XKR6: variants seen among roughly 807,000 people sequenced by gnomAD.
XKR6 encodes XK related 6, also known as XK-related protein 6.
XKR6 carries 22 observed loss-of-function variants against 56.7 expected under a neutral mutation model. That is an observed-to-expected ratio of 0.39 (90% CI 0.28 to 0.55). The LOEUF (loss-of-function observed/expected upper bound fraction) is 0.55. Ranked by LOEUF, XKR6 falls within the 20% of genes least tolerant of loss-of-function variation. XKR6 has a pLI of 0.66. For missense variants in XKR6, 852 were observed against 889.0 expected, an observed-to-expected ratio of 0.96 and a Z score of 0.53; for synonymous variants, 524 against 387.8, an observed-to-expected ratio of 1.35 and a Z score of -4.13.
intron 1 of XKR6, among the ~76,000 whole-genome samples, chr8:11,072,049 G>C (rs1031238227): frequency 6.6e-6 from 1 of 152,242 alleles, no homozygotes; most frequent in African/African-American, 2.4e-5. Flanking sequence ...CCAGTGTGTG[G>C]GTTGACTGTT....
chr8:11,091,109 A>G (rs566324582), intron 1 of XKR6, among the ~76,000 whole-genome samples: 24 of 152,222 alleles, frequency 1.6e-4, no homozygotes, highest in African/African-American at 5.5e-4. Flanking sequence ...GCATGAAAGG[A>G]ACCAAGCAAG....
At chr8:10,987,996 G>A (rs1797901939) in intron 1 of XKR6, among the ~76,000 whole-genome samples, 1 of 152,144 alleles carries the variant, frequency 6.6e-6, no homozygotes, top group Non-Finnish European at 1.5e-5. Flanking sequence ...ACTTTGGACA[G>A]GCCCAGGGCT....
At chr8:10,983,822 AT>A (rs1305911796) in intron 1 of XKR6, among the ~76,000 whole-genome samples, 11 of 151,878 alleles carry the variant, frequency 7.2e-5, no homozygotes, top group Non-Finnish European at 1.5e-5. Flanking sequence ...TGCCCGGCTA[AT>A]TTTTTGTATT....
chr8:10,900,743 T>C, intron 2 of XKR6, among the ~76,000 whole-genome samples: 1 of 152,138 alleles, frequency 6.6e-6, no homozygotes, highest in Non-Finnish European at 1.5e-5. Context: ...ACATGGTTGG[T>C]CAGGGAACCT....
chr8:11,190,165 G>GAAAGAAAGA (rs749465092), intron 1 of XKR6, among the ~76,000 whole-genome samples: 9 of 85,452 alleles, frequency 1.1e-4, no homozygotes, highest in Non-Finnish European at 1.5e-4. Flanking sequence ...CAAAAAAAAA[G>GAAAGAAAGA]AAAGAAAGAA....
Position 11,201,226 on chromosome 8 carries a change from G to A in XKR6, c.114C>T (p.Gly38=), listed in dbSNP as rs763348018. The change falls in exon 1 of 3, where the codon GGC becomes GGT. Residue 38 remains glycine (G), a synonymous_variant. Coordinates refer to ENST00000416569, the MANE Select transcript of XKR6 (RefSeq NM_173683.4). ...CGCTGCCGTCGCCGCCGCCGCCGCA[G>A]CCGCCTCCCCCGGGCTCCCCGTCCT... is the stretch of plus-strand genomic sequence containing the variant. ...GEEDGEPGGG[G]CGGGGDGSEP... is the part of the protein sequence containing the mutation. 1 of 1,544,674 alleles carries A rather than the reference G, an allele frequency of 6.5e-7. No homozygotes were observed. The highest frequency in any genetic ancestry group is 1.4e-5 in the African/African-American group (1 of 72,744).
intron 1 of XKR6, among the ~76,000 whole-genome samples, chr8:10,972,363 GA>G (rs1159325400): frequency 3.3e-5 from 5 of 152,212 alleles, no homozygotes; most frequent in African/African-American, 1.2e-4. Flanking sequence ...ATTCAAAATG[GA>G]AAGGACAGAT....
At chr8:10,951,296 T>G (rs879697114) in intron 1 of XKR6, among the ~76,000 whole-genome samples, 85 of 89,900 alleles carry the variant, frequency 9.5e-4, no homozygotes, top group African/African-American at 1.3e-3. Flanking sequence ...TGTGTGTGTG[T>G]GTGGGGGGGG....
intron 1 of XKR6, among the ~76,000 whole-genome samples, chr8:11,012,479 G>C (rs1798522817): frequency 1.3e-5 from 2 of 152,208 alleles, no homozygotes; most frequent in African/African-American, 4.8e-5. Context: ...TGTGAGTGTA[G>C]TTGTTACGGC....
chr8:10,940,135 A>G (rs1801344230), intron 1 of XKR6, among the ~76,000 whole-genome samples: 1 of 152,214 alleles, frequency 6.6e-6, no homozygotes, highest in Admixed American at 6.5e-5. Flanking sequence ...AGCGCCTGGC[A>G]CATGGTGTGC....
chr8:11,157,168 G>A (rs528402239), intron 1 of XKR6, among the ~76,000 whole-genome samples: 2 of 152,256 alleles, frequency 1.3e-5, no homozygotes, highest in South Asian at 2.1e-4. Flanking sequence ...AAACTGTCAG[G>A]GTGATGAAAA....
At chr8:11,179,197 G>C (rs969953448) in intron 1 of XKR6, among the ~76,000 whole-genome samples, 10 of 151,850 alleles carry the variant, frequency 6.6e-5, no homozygotes, top group African/African-American at 2.4e-4. Flanking sequence ...GGTTCTGTGA[G>C]CACCAAACGA....
intron 1 of XKR6, among the ~76,000 whole-genome samples, chr8:11,086,490 A>G (rs888400549): frequency 6.6e-6 from 1 of 152,206 alleles, no homozygotes; most frequent in Non-Finnish European, 1.5e-5. Context: ...CATCACAGCC[A>G]TGGAAAGTCA....
chr8:11,085,766 C>T (rs2409691), intron 1 of XKR6, among the ~76,000 whole-genome samples: 76,953 of 151,978 alleles, frequency 0.51, 21,630 homozygotes, highest in African/African-American at 0.72. Context: ...GGGACAGCAA[C>T]GGTCTGGTTC....
chr8:10,968,784 A>G (rs552934256), intron 1 of XKR6, among the ~76,000 whole-genome samples: 1 of 152,336 alleles, frequency 6.6e-6, no homozygotes, highest in African/African-American at 2.4e-5. Flanking sequence ...AGGAAAATAG[A>G]AGGAGGAAAA....
At chr8:11,066,043 C>T (rs776572500) in intron 1 of XKR6, among the ~76,000 whole-genome samples, 3 of 152,222 alleles carry the variant, frequency 2.0e-5, no homozygotes, top group Non-Finnish European at 2.9e-5. Flanking sequence ...CTTGAAGCCC[C>T]GCCTTCTTTG....
chr8:11,074,202 G>T (rs1349785450), intron 1 of XKR6, among the ~76,000 whole-genome samples: 1 of 152,208 alleles, frequency 6.6e-6, no homozygotes, highest in Non-Finnish European at 1.5e-5. Flanking sequence ...TGCTCTGTCT[G>T]CTCCAGCAGG....
intron 1 of XKR6, among the ~76,000 whole-genome samples, chr8:11,084,688 T>C (rs962095628): frequency 2.0e-5 from 3 of 152,202 alleles, no homozygotes; most frequent in African/African-American, 7.2e-5. Context: ...TCAGAGTTAA[T>C]GTGTGGGAGC....
At chr8:11,113,363 A>G (rs1213170272) in intron 1 of XKR6, among the ~76,000 whole-genome samples, 1 of 152,216 alleles carries the variant, frequency 6.6e-6, no homozygotes, top group East Asian at 1.9e-4. Context: ...AATACATTTA[A>G]TAATTAAATA....
Sources: allele counts gnomAD v4.1 joint callset (sites outside exome capture counted in the v4.1 genomes callset), GRCh38; gene constraint gnomAD v4.1.1; transcripts MANE v1.5; gene names NCBI Gene and HGNC (gene_info 2026-07-23, HGNC 2026-07-21).